SHANK2: variants seen among roughly 807,000 people sequenced by gnomAD.
SHANK2 encodes the protein SH3 and multiple ankyrin repeat domains 2.
In SHANK2, 43 loss-of-function variants were observed where a neutral mutation model predicts 133.7. That is an observed-to-expected ratio of 0.32 (90% CI 0.25 to 0.41). The LOEUF (loss-of-function observed/expected upper bound fraction) is 0.41, where lower values mean the gene tolerates loss of function less well. Ranked by LOEUF, SHANK2 falls within the 10% of genes least tolerant of loss-of-function variation. SHANK2 has a pLI of 1.00. For synonymous variants in SHANK2, 1,017 were observed against 952.8 expected (o/e 1.07, Z -1.24); for missense variants, 1,994 against 2,235.8 (o/e 0.89, Z 2.18).
intron 2 of SHANK2, among the ~76,000 whole-genome samples, chr11:71,204,298 C>T (rs1954083550): frequency 1.3e-5 from 2 of 152,226 alleles, no homozygotes; most frequent in Admixed American, 6.5e-5. Flanking sequence ...GTAACTGCGG[C>T]ACCAGGCCCC....
intron 15 of SHANK2, among the ~76,000 whole-genome samples, chr11:70,680,585 C>T (rs1945007664): frequency 6.6e-6 from 1 of 152,200 alleles, no homozygotes; most frequent in South Asian, 2.1e-4. Flanking sequence ...GGACCATCTC[C>T]TAATCCACCA....
intron 14 of SHANK2, among the ~76,000 whole-genome samples, chr11:70,754,247 G>C (rs12277539): frequency 0.091 from 13,800 of 152,234 alleles, 810 homozygotes; most frequent in South Asian, 0.29. Context: ...TGGAGGGAAC[G>C]CTTCCCAAAT....
intron 13 of SHANK2, among the ~76,000 whole-genome samples, chr11:70,803,832 G>A (rs1463622380): frequency 3.3e-5 from 5 of 151,456 alleles, no homozygotes; most frequent in Non-Finnish European, 5.9e-5. Flanking sequence ...AAAAAGGAGC[G>A]TCAGTGGGGG....
intron 3 of SHANK2, among the ~76,000 whole-genome samples, chr11:71,145,711 C>A (rs1381960641): frequency 6.6e-6 from 1 of 152,224 alleles, no homozygotes; most frequent in African/African-American, 2.4e-5. Context: ...AAGTGAGGCA[C>A]CAGCAACACT....
rs1555100880 is a variant in SHANK2 at position 71,118,845 on chromosome 11, C to A, written c.395G>T (p.Gly132Val). 2 of 1,550,164 alleles carry A rather than the reference C, an allele frequency of 1.3e-6. No homozygotes were observed. Among genetic ancestry groups the A allele is most frequent in the Admixed American group, 3.9e-5 (2 of 50,958 alleles). ...GAAATATACCTCCAGGGAAGGAACG[C>A]CCTCACCCACGGGCTGTGGGTACTC... Reference protein sequence around the residue: ...LREYPQPVGEGVPSLEFRYKK... With the variant: ...LREYPQPVGEVVPSLEFRYKK... Residue 132 changes from glycine (G) to valine (V), a missense_variant, in exon 4 of 26, where the codon GGC (glycine) becomes GTC (valine). This residue lies in a region of SHANK2 where 653 missense variants were observed against 563.4 expected (regional missense o/e 1.16). Coordinates refer to ENST00000601538, the MANE Select transcript of SHANK2 (RefSeq NM_012309.5).
At position 71,252,227 on chromosome 11, in the gene SHANK2, C is replaced by T. The variant is rs1448574625; in HGVS notation, c.-113+198G>A. ...GAAGGGCTCTCTACGGAAAATCGACCCCCACCTGGACACGCGGCTCACTCC... is the reference window on the plus strand; with the variant it reads ...GAAGGGCTCTCTACGGAAAATCGACTCCCACCTGGACACGCGGCTCACTCC... On this transcript the variant is annotated intron_variant, in intron 1 of 25. Transcript: ENST00000601538. The surrounding 1 kb of genome is among the most constrained non-coding windows in gnomAD (Gnocchi z 6.3). Among the ~76,000 whole-genome samples the T allele has an allele frequency of 6.6e-6, 1 of 152,126 alleles. No homozygotes were observed. The highest frequency in any genetic ancestry group is 1.5e-5 in the Non-Finnish European group (1 of 68,006).
At chr11:70,608,693 G>A (rs563782864) in intron 17 of SHANK2, among the ~76,000 whole-genome samples, 28 of 152,276 alleles carry the variant, frequency 1.8e-4, no homozygotes, top group African/African-American at 4.3e-4. Context: ...CACCCACCTC[G>A]ACACGGGGGT....
rs1477524312 is a variant in SHANK2 at position 70,486,805 on chromosome 11, G to A, written c.3488C>T (p.Ala1163Val). ...CCTCCCAGCCTCACCCGGAGCACTGGCCTCGGCGCCACCCACGAAATGGTT... is the reference window on the plus strand; with the variant it reads ...CCTCCCAGCCTCACCCGGAGCACTGACCTCGGCGCCACCCACGAAATGGTT... ...PENHFVGGAE[A>V]SAPGEAGRPL... Residue 1163 changes from alanine to valine, a missense_variant, in exon 25 of 26, where the codon GCC (alanine) becomes GTC (valine). Transcript: ENST00000601538. This position sits in a 1 kb window ranked among gnomAD's most constrained non-coding sequence, Gnocchi z 8.0. The A allele has an allele frequency of 8.1e-6, 13 of 1,612,308 alleles. No individual in the cohort carries two copies. The highest frequency in any genetic ancestry group is 6.8e-6 in the Non-Finnish European group (8 of 1,179,940).
At chr11:70,510,968 C>T (rs1011593689) in intron 17 of SHANK2, among the ~76,000 whole-genome samples, 2 of 152,254 alleles carry the variant, frequency 1.3e-5, no homozygotes, top group African/African-American at 4.8e-5. Flanking sequence ...CTTAAGTTCT[C>T]ATCCTATTCT....
At chr11:70,912,228 T>C (rs1300186754) in intron 10 of SHANK2, among the ~76,000 whole-genome samples, 1 of 151,804 alleles carries the variant, frequency 6.6e-6, no homozygotes, top group Admixed American at 6.6e-5. Context: ...CTTCATTCAA[T>C]GATGTGAAGG....
chr11:70,492,787 G>GTTTTTTTT (rs34452642), intron 21 of SHANK2, among the ~76,000 whole-genome samples: 2 of 70,594 alleles, frequency 2.8e-5, no homozygotes, highest in South Asian at 6.8e-4. Flanking sequence ...ACATTTCTGT[G>GTTTTTTTT]TTTTTTTTTT....
intron 8 of SHANK2, among the ~76,000 whole-genome samples, chr11:71,081,282 A>G (rs1951297428): frequency 6.6e-6 from 1 of 152,186 alleles, no homozygotes; most frequent in South Asian, 2.1e-4. Flanking sequence ...ATGAATGTCT[A>G]TTGTTTGAGG....
At chr11:71,114,253 C>T (rs543579346) in intron 4 of SHANK2, among the ~76,000 whole-genome samples, 12 of 152,232 alleles carry the variant, frequency 7.9e-5, no homozygotes, top group South Asian at 6.2e-4. Flanking sequence ...TGGCACAGAC[C>T]TGGCACTAGA....
At chr11:71,152,558 C>T (rs782279303) in intron 2 of SHANK2, among the ~76,000 whole-genome samples, 4 of 152,208 alleles carry the variant, frequency 2.6e-5, no homozygotes, top group Non-Finnish European at 4.4e-5. Context: ...CCGCTGCTGC[C>T]GGCGGACATC....
chr11:70,615,646 C>T (rs1385547426), intron 17 of SHANK2, among the ~76,000 whole-genome samples: 2 of 152,186 alleles, frequency 1.3e-5, no homozygotes, highest in African/African-American at 4.8e-5. Context: ...TATCTGTAAG[C>T]AATGAACCAG....
chr11:70,550,931 G>A (rs2059757686), intron 17 of SHANK2, among the ~76,000 whole-genome samples: 1 of 152,202 alleles, frequency 6.6e-6, no homozygotes, highest in South Asian at 2.1e-4. Context: ...AGCCTCATGA[G>A]CAGACACGTG....
At chr11:70,838,719 T>G (rs2921340) in intron 11 of SHANK2, among the ~76,000 whole-genome samples, 1 of 151,906 alleles carries the variant, frequency 6.6e-6, no homozygotes, top group African/African-American at 2.4e-5. Flanking sequence ...TTCCACTGAG[T>G]CCCTGGACTC....
At chr11:70,758,774 C>T (rs1249622615) in intron 14 of SHANK2, among the ~76,000 whole-genome samples, 5 of 152,342 alleles carry the variant, frequency 3.3e-5, no homozygotes, top group African/African-American at 1.2e-4. Flanking sequence ...CCGTATCCCT[C>T]CAACTTCTGC....
intron 7 of SHANK2, among the ~76,000 whole-genome samples, chr11:71,093,062 G>GGT (rs1555094443): frequency 3.7e-5 from 5 of 134,262 alleles, no homozygotes; most frequent in African/African-American, 1.3e-4. Context: ...GGGGGGGGGG[G>GGT]GCAGGTATAA....
Sources: gnomAD v4.1 joint callset for allele counts (sites outside exome capture counted in the v4.1 genomes callset) on GRCh38, gnomAD v4.1.1 for gene constraint, gnomAD v4.1.1 regional missense constraint, Gnocchi (gnomAD v3.1) non-coding constraint, MANE v1.5 for transcripts, NCBI Gene and HGNC (gene_info 2026-07-23, HGNC 2026-07-21) for gene names.